Variants in KDM4B observed in about 807,000 individuals in gnomAD.
KDM4B encodes the protein lysine-specific demethylase 4B.
Under a neutral mutation model 125.2 loss-of-function variants are expected in KDM4B, and 32 were observed. That is an observed-to-expected ratio of 0.26 (90% CI 0.19 to 0.34). The LOEUF (loss-of-function observed/expected upper bound fraction) is 0.34. KDM4B is among the 10% of genes least tolerant of loss of function. The pLI, the probability that KDM4B is intolerant of heterozygous loss-of-function variation, is 1.00. For missense variants in KDM4B, 1,190 were observed against 1,577.7 expected (o/e 0.75, Z 4.16); for synonymous variants, 721 against 677.9 (o/e 1.06, Z -0.99).
intron 2 of KDM4B, among the ~76,000 whole-genome samples, chr19:5,031,706 A>G (rs2036465552): frequency 6.6e-6 from 1 of 152,122 alleles, no homozygotes; most frequent in South Asian, 2.1e-4. Flanking sequence ...GTCAGGATGG[A>G]GGGTTCTGGA....
Position 5,151,802 on chromosome 19 carries a change from C to T in KDM4B, c.*291C>T, listed in dbSNP as rs1294490783. The T allele has an allele frequency of 3.0e-6, 1 of 338,592 alleles. No individual in the cohort carries two copies. The highest frequency in any genetic ancestry group is 2.1e-5 in the African/African-American group (1 of 47,334). The allele number at this position is 338,592 out of a possible 1,614,324, so 21.0% of individuals were successfully genotyped here. A position where few individuals can be genotyped will look rare whatever the true frequency, so the allele number is the denominator to read the frequency against. Reference sequence around the variant, plus strand: ...TCTCGAAAAGGTGCTACTGCAATGCCCTACTGAGCAACCTTTGAGATTGTC... The same window carrying T: ...TCTCGAAAAGGTGCTACTGCAATGCTCTACTGAGCAACCTTTGAGATTGTC... On this transcript the variant is annotated 3_prime_UTR_variant, in exon 23 of 23. Transcript: ENST00000159111.
intron 2 of KDM4B, among the ~76,000 whole-genome samples, chr19:5,030,577 A>G (rs1427623233): frequency 1.3e-5 from 2 of 152,260 alleles, no homozygotes; most frequent in Non-Finnish European, 2.9e-5. Context: ...ACCGGCCTGC[A>G]GAGAGGCAGC....
At chr19:5,133,275 G>A (rs1437674382) in intron 13 of KDM4B, among the ~76,000 whole-genome samples, 2 of 152,306 alleles carry the variant, frequency 1.3e-5, no homozygotes, top group African/African-American at 4.8e-5. Context: ...TGCCTTCCGG[G>A]AGAGTGTCCC....
rs548283589 is a variant in KDM4B at position 5,074,610 on chromosome 19, G to A, written c.677-2757G>A. ...GAGGCCGCCGGCAGGCCGGGCGGCA[G>A]GCAGTCATCATTCTCGTTGAAATGC... On this transcript the variant is annotated intron_variant, in intron 7 of 22. Coordinates refer to ENST00000159111, the MANE Select transcript of KDM4B (RefSeq NM_015015.3). 5.3e-5 allele frequency: 8 copies of A among 152,350 alleles called. No individual in the cohort carries two copies. In the East Asian group the frequency reaches 1.5e-3, roughly 29 times the overall value. 9.4% of individuals were successfully genotyped at this position (152,350 alleles called of 1,614,324 possible).
chr19:4,969,717 G>C (rs898036869), intron 1 of KDM4B, among the ~76,000 whole-genome samples: 1 of 151,804 alleles, frequency 6.6e-6, no homozygotes, highest in Non-Finnish European at 1.5e-5. Context: ...TGGGCGCCAG[G>C]GGGGCTAAGG....
chr19:5,147,708 A>G (rs2146114861), intron 21 of KDM4B, among the ~76,000 whole-genome samples: 1 of 143,366 alleles, frequency 7.0e-6, no homozygotes, highest in Non-Finnish European at 1.5e-5. Context: ...GCGCCACTGC[A>G]CTCCAACCCG....
chr19:5,036,571 C>G (rs1208789324), intron 3 of KDM4B, among the ~76,000 whole-genome samples: 4 of 152,242 alleles, frequency 2.6e-5, no homozygotes, highest in Non-Finnish European at 4.4e-5. Context: ...AGGGGAGGCC[C>G]TGGCTGCCCT....
rs1419940275 is a variant in KDM4B at position 5,115,775 on chromosome 19, A to T, written c.1116-3878A>T. 6.6e-6 allele frequency among the ~76,000 whole-genome samples: 1 copy of T among 152,178 alleles called. No homozygotes were observed. The highest frequency in any genetic ancestry group is 1.5e-5 in the Non-Finnish European group (1 of 68,032). On this transcript the variant is annotated intron_variant, in intron 10 of 22. Coordinates refer to ENST00000159111, the MANE Select transcript of KDM4B (RefSeq NM_015015.3). The surrounding 1 kb of genome is among the most constrained non-coding windows in gnomAD (Gnocchi z 4.2). ...CATTCCAGGAACGAGTGGCTCTCGG[A>T]TGTTACCATCTAGAGAAGAGACAAG...
chr19:5,134,079 A>G lies in KDM4B; in HGVS notation c.2085+18A>G. ...ACTGCCAGGTGGGCAGGCGGGCCTC[A>G]CGGGTCCCAGAGAACCCCAGGCAGG... On this transcript the variant is annotated intron_variant, in intron 14 of 22. Transcript: ENST00000159111. 6.4e-7 allele frequency: 1 copy of G among 1,573,670 alleles called. No homozygotes were observed. The highest frequency in any genetic ancestry group is 1.8e-4 in the Middle Eastern group (1 of 5,540).
intron 9 of KDM4B, among the ~76,000 whole-genome samples, chr19:5,108,235 A>G (rs2039073298): frequency 6.6e-6 from 1 of 152,204 alleles, no homozygotes; most frequent in Admixed American, 6.5e-5. Context: ...GTGGATGGGG[A>G]TGCCGGGGCA....
At position 5,137,343 on chromosome 19, in the gene KDM4B, C is replaced by G. The variant is rs1278274841; in HGVS notation, c.2385+5C>G. ...GCGGCCCACGCCTGGACTGCGGTAA[C>G]TCGCTCCCCGCAGCGGGGGTGGTGC... On this transcript the variant is annotated splice_donor_5th_base_variant and intron_variant, in intron 16 of 22. Transcript: ENST00000159111. The G allele has an allele frequency of 2.6e-6, 4 of 1,560,482 alleles. No homozygotes were observed. Among genetic ancestry groups the G allele is most frequent in the East Asian group, 2.4e-5 (1 of 42,036 alleles).
At chr19:5,004,945 C>T (rs1599395196) in intron 1 of KDM4B, among the ~76,000 whole-genome samples, 1 of 152,184 alleles carries the variant, frequency 6.6e-6, no homozygotes, top group African/African-American at 2.4e-5. Context: ...GCTGGTCACC[C>T]CCTGCACAGT....
At chr19:4,973,728 A>G (rs2034340903) in intron 1 of KDM4B, among the ~76,000 whole-genome samples, 1 of 151,996 alleles carries the variant, frequency 6.6e-6, no homozygotes, top group African/African-American at 2.4e-5. Context: ...GAGCTCGGAA[A>G]ATGGCCTTCC....
At chr19:5,008,450 G>T (rs1231933121) in intron 1 of KDM4B, among the ~76,000 whole-genome samples, 2 of 152,158 alleles carry the variant, frequency 1.3e-5, no homozygotes, top group African/African-American at 2.4e-5. Context: ...CTAGTCTTGA[G>T]TGTAGATGTT....
At chr19:4,995,927 A>G (rs1305498017) in intron 1 of KDM4B, among the ~76,000 whole-genome samples, 1 of 152,138 alleles carries the variant, frequency 6.6e-6, no homozygotes, top group Admixed American at 6.5e-5. Flanking sequence ...GCAGTCCTTT[A>G]TTTTGGTACA....
chr19:5,146,750 G>GA (rs2039852186), intron 21 of KDM4B, among the ~76,000 whole-genome samples: 1 of 47,272 alleles, frequency 2.1e-5, no homozygotes, highest in African/African-American at 1.1e-4. Flanking sequence ...AACAAAGTGA[G>GA]ACCCCCCCCC....
At chr19:4,984,287 G>A (rs2034751787) in intron 1 of KDM4B, among the ~76,000 whole-genome samples, 1 of 152,198 alleles carries the variant, frequency 6.6e-6, no homozygotes, top group African/African-American at 2.4e-5. Context: ...TGTGAATAGA[G>A]GTGCTGCACT....
chr19:5,103,688 C>T (rs964972510), intron 9 of KDM4B, among the ~76,000 whole-genome samples: 2 of 152,244 alleles, frequency 1.3e-5, no homozygotes, highest in East Asian at 1.9e-4. Flanking sequence ...CTCTCCACCC[C>T]AGGTTTTTCT....
intron 5 of KDM4B, 133 bp downstream of exon 5, chr19:5,041,384 G>A: frequency 3.2e-6 from 2 of 622,424 alleles, no homozygotes; most frequent in South Asian, 3.6e-5. Context: ...CCCAGGCTCT[G>A]GATGCGGGCC....
Sources: allele counts gnomAD v4.1 joint callset (sites outside exome capture counted in the v4.1 genomes callset), GRCh38; gene constraint gnomAD v4.1.1; non-coding constraint Gnocchi (gnomAD v3.1); transcripts MANE v1.5; gene names NCBI Gene and HGNC (gene_info 2026-07-23, HGNC 2026-07-21).